Variants in FMN2 observed in about 807,000 individuals in gnomAD.
FMN2 encodes formin-2.
FMN2 carries 51 observed loss-of-function variants against 142.3 expected under a neutral mutation model. That is an observed-to-expected ratio of 0.36 (90% CI 0.29 to 0.45). FMN2 has a LOEUF of 0.45. Among genes scored for constraint, FMN2 ranks in the 20% least tolerant of loss-of-function variants. The pLI is 1.00. For synonymous variants in FMN2, 882 were observed against 869.8 expected (o/e 1.01, Z -0.25); for missense variants, 1,936 against 2,122.8 (o/e 0.91, Z 1.73).
At chr1:240,352,535 C>G (rs113255745) in intron 13 of FMN2, among the ~76,000 whole-genome samples, 1,926 of 152,198 alleles carry the variant, frequency 0.013, 50 homozygotes, top group African/African-American at 0.043. Flanking sequence ...GAGTCAAGAT[C>G]GTGCCACTGC....
intron 2 of FMN2, among the ~76,000 whole-genome samples, chr1:240,129,230 C>T (rs1662638786): frequency 6.6e-6 from 1 of 152,014 alleles, no homozygotes; most frequent in East Asian, 1.9e-4. Flanking sequence ...TTTAGTCAAG[C>T]CCACACAGAT....
At chr1:240,120,034 C>T (rs886256108) in intron 1 of FMN2, among the ~76,000 whole-genome samples, 1 of 152,040 alleles carries the variant, frequency 6.6e-6, no homozygotes, top group Non-Finnish European at 1.5e-5. Context: ...TTGTTATTTC[C>T]CCTCCAAAAA....
At chr1:240,101,732 A>G (rs1160996262) in intron 1 of FMN2, among the ~76,000 whole-genome samples, 3 of 143,296 alleles carry the variant, frequency 2.1e-5, no homozygotes, top group Non-Finnish European at 3.0e-5. Context: ...TTTTTTGGAG[A>G]GACAGGGTCT....
At chr1:240,414,386 T>C (rs1674510855) in intron 15 of FMN2, among the ~76,000 whole-genome samples, 1 of 152,226 alleles carries the variant, frequency 6.6e-6, no homozygotes, top group Non-Finnish European at 1.5e-5. Flanking sequence ...TCACCAGTAT[T>C]GTGGAGTGCG....
chr1:240,161,883 G>A (rs922555737), intron 2 of FMN2, among the ~76,000 whole-genome samples: 1 of 152,096 alleles, frequency 6.6e-6, no homozygotes, highest in Non-Finnish European at 1.5e-5. Flanking sequence ...TAATATGGGA[G>A]GTATCTTGTT....
chr1:240,468,249 T>TATATACATATGCACACAC (rs1676691050), intron 16 of FMN2, among the ~76,000 whole-genome samples: 5 of 136,756 alleles, frequency 3.7e-5, no homozygotes, highest in Admixed American at 7.3e-5. Flanking sequence ...CACACACACA[T>TATATACATATGCACACAC]ATATACATAT....
intron 2 of FMN2, among the ~76,000 whole-genome samples, chr1:240,138,408 A>G (rs1663042752): frequency 6.6e-6 from 1 of 152,070 alleles, no homozygotes; most frequent in South Asian, 2.1e-4. Context: ...TTTAAAAAGT[A>G]TTACATGTGG....
At chr1:240,144,303 C>T (rs1663338194) in intron 2 of FMN2, 14 of 1,607,592 alleles carry the variant, frequency 8.7e-6, no homozygotes, top group East Asian at 2.2e-5. Flanking sequence ...CCACTGCCCC[C>T]AAACCTGTTG....
At chr1:240,218,931 G>A (rs142439256) in intron 6 of FMN2, among the ~76,000 whole-genome samples, 64 of 152,298 alleles carry the variant, frequency 4.2e-4, no homozygotes, top group African/African-American at 1.4e-3. Flanking sequence ...TGGGTGGTCA[G>A]AAGTAGAACA....
chr1:240,277,956 A>G (rs1329275685), intron 7 of FMN2, among the ~76,000 whole-genome samples: 2 of 152,310 alleles, frequency 1.3e-5, no homozygotes, highest in Admixed American at 1.3e-4. Flanking sequence ...TCAAATGTTT[A>G]TTTAAATTCT....
intron 7 of FMN2, among the ~76,000 whole-genome samples, chr1:240,289,564 C>A (rs10802854): frequency 0.31 from 46,923 of 151,664 alleles, 7,753 homozygotes; most frequent in Admixed American, 0.48. Flanking sequence ...CTGTTGTCCC[C>A]GCCACATGGA....
chr1:240,252,609 T>G (rs566198303), intron 6 of FMN2, among the ~76,000 whole-genome samples: 1 of 151,912 alleles, frequency 6.6e-6, no homozygotes, highest in Admixed American at 6.6e-5. Flanking sequence ...GTAAGGTTTT[T>G]GCTGAGAAAT....
intron 3 of FMN2, among the ~76,000 whole-genome samples, chr1:240,187,150 A>C (rs1665501993): frequency 6.6e-6 from 1 of 150,836 alleles, no homozygotes; most frequent in Admixed American, 6.6e-5. Flanking sequence ...GGTGCCTATA[A>C]TCCCAGCTAT....
rs1198518631 is a variant in FMN2 at position 240,092,808 on chromosome 1, A to C, written c.699A>C (p.Ala233=). ...AGCTCCAGGGCGCCGAGGAGCCTGC[A>C]GCGCCCCCCACTGCCGTCTCCCCTC... ...QQQLQGAEEP[A]APPTAVSPQP... The change falls in exon 1 of 18, where the codon GCA becomes GCC. Residue 233 remains alanine, a synonymous_variant. Coordinates refer to ENST00000319653, the MANE Select transcript of FMN2 (RefSeq NM_020066.5). The C allele has an allele frequency of 2.5e-6, 4 of 1,582,748 alleles. No individual in the cohort carries two copies. In the Admixed American group the frequency reaches 7.3e-5, roughly 29 times the overall value.
chr1:240,202,362 A>T lies in FMN2; in HGVS notation c.1987-4437A>T, dbSNP rs551545041. ...AATCTTCACAGTCACTAGTATTATG[A>T]CCTCTGTTACCACTAACTTGGGTGC... On this transcript the variant is annotated intron_variant, in intron 4 of 17. Transcript: ENST00000319653. Among the ~76,000 whole-genome samples, 10 of 152,098 alleles carry T rather than the reference A, an allele frequency of 6.6e-5. No homozygotes were observed. In the South Asian group the frequency reaches 8.3e-4, roughly 13 times the overall value.
chr1:240,262,545 T>A (rs1485538259), intron 7 of FMN2, among the ~76,000 whole-genome samples: 1 of 152,096 alleles, frequency 6.6e-6, no homozygotes, highest in Non-Finnish European at 1.5e-5. Context: ...CAATGTTTGG[T>A]CTGTATTTCA....
At chr1:240,256,570 C>A (rs1164110295) in intron 6 of FMN2, among the ~76,000 whole-genome samples, 1 of 134,736 alleles carries the variant, frequency 7.4e-6, no homozygotes, top group East Asian at 2.2e-4. Flanking sequence ...GAAACTCGGT[C>A]TCCACTAAAA....
At chr1:240,226,835 T>TACACACAC (rs1190160042) in intron 6 of FMN2, among the ~76,000 whole-genome samples, 1 of 141,912 alleles carries the variant, frequency 7.0e-6, no homozygotes, top group African/African-American at 2.6e-5. Context: ...CACACACACA[T>TACACACAC]ACACACACAC....
chr1:240,144,034 A>G (rs1041009547), intron 2 of FMN2: 12 of 1,129,778 alleles, frequency 1.1e-5, no homozygotes, highest in Non-Finnish European at 1.6e-5. Flanking sequence ...TCACTATGCC[A>G]CAGGCAAGAA....
Sources: allele counts gnomAD v4.1 joint callset (sites outside exome capture counted in the v4.1 genomes callset), GRCh38; gene constraint gnomAD v4.1.1; transcripts MANE v1.5; gene names NCBI Gene and HGNC (gene_info 2026-07-23, HGNC 2026-07-21).